METTL15: variants seen among roughly 807,000 people sequenced by gnomAD.
METTL15 encodes 12S rRNA N(4)-cytidine methyltransferase METTL15.
Under a neutral mutation model 38.3 loss-of-function variants are expected in METTL15, and 34 were observed. The observed-to-expected ratio is 0.89, with a 90% CI of 0.68 to 1.18. The LOEUF (loss-of-function observed/expected upper bound fraction) is 1.18. Ranked by LOEUF, METTL15 falls within the 50% of genes most tolerant of loss-of-function variation. METTL15 has a pLI of 0.00. For missense variants in METTL15, 438 were observed against 498.4 expected, an observed-to-expected ratio of 0.88 and a Z score of 1.15; for synonymous variants, 162 against 170.9, an observed-to-expected ratio of 0.95 and a Z score of 0.41.
chr11:28,217,551 T>G (rs1053763279), intron 4 of METTL15, among the ~76,000 whole-genome samples: 4 of 152,170 alleles, frequency 2.6e-5, no homozygotes, highest in Non-Finnish European at 5.9e-5. Flanking sequence ...GTGCAGAAGC[T>G]CTTTAGTTTA....
At chr11:28,363,037 A>G (rs1019665658) in intron 5 of METTL15, among the ~76,000 whole-genome samples, 1 of 152,284 alleles carries the variant, frequency 6.6e-6, no homozygotes, top group Non-Finnish European at 1.5e-5. Flanking sequence ...TTGACTTTTT[A>G]ATAATTGCCA....
intron 3 of METTL15, among the ~76,000 whole-genome samples, chr11:28,197,264 C>A (rs1227501392): frequency 6.6e-6 from 1 of 151,668 alleles, no homozygotes; most frequent in African/African-American, 2.4e-5. Flanking sequence ...TTCTGTCAAC[C>A]AAAGGTTCTA....
chr11:28,268,146 G>A (rs1855501755), intron 4 of METTL15, among the ~76,000 whole-genome samples: 2 of 124,552 alleles, frequency 1.6e-5, no homozygotes, highest in South Asian at 2.5e-4. Context: ...GCAGTGAGCC[G>A]AGATCCCGCC....
At chr11:28,515,027 G>A (rs975600339) in intron 6 of METTL15, among the ~76,000 whole-genome samples, 7 of 152,188 alleles carry the variant, frequency 4.6e-5, no homozygotes, top group African/African-American at 9.7e-5. Context: ...TGTACATTAA[G>A]TATGGCTACT....
chr11:28,235,955 G>A (rs1853943106), intron 4 of METTL15, among the ~76,000 whole-genome samples: 2 of 151,296 alleles, frequency 1.3e-5, no homozygotes, highest in Admixed American at 1.3e-4. Context: ...GTCATAGATA[G>A]CTCTTATTAT....
intron 6 of METTL15, among the ~76,000 whole-genome samples, chr11:28,444,627 A>T (rs1851060738): frequency 1.3e-5 from 2 of 152,156 alleles, no homozygotes; most frequent in Admixed American, 6.5e-5. Flanking sequence ...ACCATTTTTG[A>T]GCCTCCATGT....
chr11:28,199,051 C>T (rs147353073), intron 3 of METTL15, among the ~76,000 whole-genome samples: 11 of 151,580 alleles, frequency 7.3e-5, no homozygotes, highest in African/African-American at 2.7e-4. Flanking sequence ...ACTGACCTTA[C>T]TAATTATGTC....
At chr11:28,414,732 C>G (rs573491329) in intron 5 of METTL15, among the ~76,000 whole-genome samples, 1 of 152,204 alleles carries the variant, frequency 6.6e-6, no homozygotes, top group African/African-American at 2.4e-5. Flanking sequence ...TAGAAATTAT[C>G]TAATGCAGTT....
At chr11:28,134,067 G>A (rs1849432699) in intron 3 of METTL15, among the ~76,000 whole-genome samples, 1 of 152,154 alleles carries the variant, frequency 6.6e-6, no homozygotes. Context: ...TCAAAGAACA[G>A]GAAAGATATT....
intron 6 of METTL15, among the ~76,000 whole-genome samples, chr11:28,503,538 A>G (rs1470691225): frequency 2.0e-5 from 3 of 152,328 alleles, no homozygotes; most frequent in South Asian, 4.1e-4. Flanking sequence ...CACACCTGCA[A>G]TCCCAGCACT....
chr11:28,340,808 A>G (rs1317446321), intron 3 of METTL15, among the ~76,000 whole-genome samples: 1 of 152,182 alleles, frequency 6.6e-6, no homozygotes, highest in African/African-American at 2.4e-5. Flanking sequence ...TGACCCAGCA[A>G]TCCCATCACT....
chr11:28,307,320 C>G (rs1173105859), intron 6 of METTL15, among the ~76,000 whole-genome samples: 1 of 151,910 alleles, frequency 6.6e-6, no homozygotes, highest in African/African-American at 2.4e-5. Flanking sequence ...TTAGATGTGT[C>G]TTCTTCATTG....
At chr11:28,413,371 C>A (rs1590366045) in intron 5 of METTL15, among the ~76,000 whole-genome samples, 1 of 152,136 alleles carries the variant, frequency 6.6e-6, no homozygotes, top group Non-Finnish European at 1.5e-5. Context: ...TAAGATGTTT[C>A]ATAAACTGAT....
chr11:28,231,869 A>G (rs1431581054), intron 4 of METTL15, among the ~76,000 whole-genome samples: 2 of 151,842 alleles, frequency 1.3e-5, no homozygotes, highest in South Asian at 2.1e-4. Flanking sequence ...ACTTCCATAT[A>G]TTATATGCTC....
At chr11:28,161,749 G>A (rs913426062) in intron 3 of METTL15, among the ~76,000 whole-genome samples, 1 of 151,980 alleles carries the variant, frequency 6.6e-6, no homozygotes, top group Non-Finnish European at 1.5e-5. Context: ...AGGAACATAG[G>A]ATGAGTGATA....
intron 5 of METTL15, among the ~76,000 whole-genome samples, chr11:28,397,713 A>G (rs1850586650): frequency 6.6e-6 from 1 of 152,098 alleles, no homozygotes; most frequent in African/African-American, 2.4e-5. Context: ...TAGAAATACC[A>G]TTTGACCCAG....
chr11:28,344,585 G>A (rs1284639956), intron 3 of METTL15, among the ~76,000 whole-genome samples: 1 of 152,146 alleles, frequency 6.6e-6, no homozygotes, highest in African/African-American at 2.4e-5. Context: ...TAAAGGCTGA[G>A]ATTTCTGCCT....
At position 28,445,278 on chromosome 11, in the gene METTL15, G is replaced by A. The variant is rs530662390; in HGVS notation, c.*424+20914G>A. ...TGTAAGAATAGTGCAAAGAACTTCC[G>A]TAGACTCTTTTTCAGATTAACCAGT... On this transcript the variant is annotated intron_variant and NMD_transcript_variant, in intron 6 of 7. Coordinates refer to the METTL15 transcript ENST00000532947. 5.9e-5 allele frequency among the ~76,000 whole-genome samples: 9 copies of A among 152,174 alleles called. No individual in the cohort carries two copies. In the South Asian group the frequency reaches 1.2e-3, roughly 21 times the overall value.
Position 28,449,502 on chromosome 11 carries a change from A to G in METTL15, c.*424+25138A>G, listed in dbSNP as rs559304270. 4.6e-5 allele frequency among the ~76,000 whole-genome samples: 7 copies of G among 152,362 alleles called. No homozygotes were observed. In the South Asian group the frequency reaches 1.4e-3, roughly 32 times the overall value. ...GAAAGTCTGATTGAGAGTGGCAACA[A>G]GAGCAAATCCATAGGTTAATGTTTA... On this transcript the variant is annotated intron_variant and NMD_transcript_variant, in intron 6 of 7. Transcript: ENST00000532947.
Sources: gnomAD v4.1 joint callset for allele counts (sites outside exome capture counted in the v4.1 genomes callset) on GRCh38, gnomAD v4.1.1 for gene constraint, MANE v1.5 for transcripts, NCBI Gene and HGNC (gene_info 2026-07-23, HGNC 2026-07-21) for gene names.